ARL13B: variants seen among roughly 807,000 people sequenced by gnomAD.
ARL13B encodes ADP-ribosylation factor-like protein 13B.
In ARL13B, 36 loss-of-function variants were observed where a neutral mutation model predicts 56.1. The observed-to-expected ratio is 0.64, with a 90% CI of 0.49 to 0.85. ARL13B has a LOEUF of 0.85. ARL13B is among the 40% of genes least tolerant of loss of function. The pLI, the probability that ARL13B is intolerant of heterozygous loss-of-function variation, is 0.00. For missense variants in ARL13B, 519 were observed against 507.1 expected, an observed-to-expected ratio of 1.02 and a Z score of -0.23; for synonymous variants, 178 against 171.1, an observed-to-expected ratio of 1.04 and a Z score of -0.32.
chr3:94,016,597 G>T (rs1017975820), intron 3 of ARL13B, among the ~76,000 whole-genome samples: 7 of 151,514 alleles, frequency 4.6e-5, no homozygotes, highest in African/African-American at 1.7e-4. Context: ...AAGACCCTTG[G>T]GTTCACAATA....
intron 6 of ARL13B, among the ~76,000 whole-genome samples, chr3:94,042,621 A>G (rs1261393496): frequency 1.3e-5 from 2 of 152,178 alleles, no homozygotes; most frequent in African/African-American, 4.8e-5. Flanking sequence ...CAAATACATA[A>G]GTATATATAG....
At chr3:94,029,402 C>T (rs1301140478) in intron 3 of ARL13B, among the ~76,000 whole-genome samples, 7 of 131,230 alleles carry the variant, frequency 5.3e-5, no homozygotes, top group African/African-American at 2.0e-4. Context: ...GGCTGGAGTG[C>T]AGTGGCACGA....
chr3:94,013,154 A>T (rs1443392210), intron 3 of ARL13B, among the ~76,000 whole-genome samples: 2 of 152,086 alleles, frequency 1.3e-5, no homozygotes, highest in African/African-American at 4.8e-5. Context: ...CTATGCCTGG[A>T]ATTATACCCT....
Position 94,050,895 on chromosome 3 carries a change from A to G in ARL13B, c.1210+3A>G. ...TCTTGGTGAAACACATCATAATGGT[A>G]ATGCAAAAGGATTGGTTTTCAGATA... On this transcript the variant is annotated splice_donor_region_variant and intron_variant, in intron 9 of 9. Coordinates refer to ENST00000394222, the MANE Select transcript of ARL13B (RefSeq NM_001174150.2). The G allele has an allele frequency of 6.2e-7, 1 of 1,612,654 alleles. No homozygotes were observed. The highest frequency in any genetic ancestry group is 1.3e-5 in the African/African-American group (1 of 75,014).
chr3:94,027,241 A>G (rs1317428255), intron 3 of ARL13B, among the ~76,000 whole-genome samples: 1 of 152,076 alleles, frequency 6.6e-6, no homozygotes, highest in African/African-American at 2.4e-5. Flanking sequence ...ATCTTATTGT[A>G]ATATATTAAC....
At chr3:94,001,154 T>C (rs2076049784) in intron 2 of ARL13B, among the ~76,000 whole-genome samples, 2 of 152,230 alleles carry the variant, frequency 1.3e-5, no homozygotes, top group South Asian at 4.2e-4. Context: ...GGAGGAATCA[T>C]CAAAAAAGGA....
At position 94,043,337 on chromosome 3, in the gene ARL13B, C is replaced by G. The variant is rs924222823; in HGVS notation, c.1024+97C>G. ...TTATGTTTGTTTTTACAAACGAGTA[C>G]TTCAATATTTTTCTGTCTTCAAATG... On this transcript the variant is annotated intron_variant, in intron 7 of 9. Coordinates refer to ENST00000394222, the MANE Select transcript of ARL13B (RefSeq NM_001174150.2). The G allele has an allele frequency of 2.7e-6, 3 of 1,121,540 alleles. No homozygotes were observed. In the African/African-American group the frequency reaches 4.7e-5, roughly 18 times the overall value. The allele number at this position is 1,121,540 out of a possible 1,614,324, so 69.5% of individuals were successfully genotyped here.
intron 3 of ARL13B, among the ~76,000 whole-genome samples, chr3:94,031,910 C>A (rs931733234): frequency 2.0e-5 from 3 of 152,102 alleles, no homozygotes; most frequent in Admixed American, 6.6e-5. Context: ...TGTCTCTCAC[C>A]ATATACAAAA....
intron 1 of ARL13B, among the ~76,000 whole-genome samples, chr3:93,986,996 C>T (rs548527251): frequency 6.6e-6 from 1 of 152,066 alleles, no homozygotes; most frequent in South Asian, 2.1e-4. Flanking sequence ...TAGCTTTTAT[C>T]TAATTATCAT....
chr3:94,040,879 T>A (rs2076849616), intron 6 of ARL13B, among the ~76,000 whole-genome samples: 2 of 152,282 alleles, frequency 1.3e-5, no homozygotes, highest in Admixed American at 6.5e-5. Context: ...GGGTATAAAT[T>A]GTGTAGAAGG....
At position 94,039,969 on chromosome 3, in the gene ARL13B, T is replaced by A. The variant is rs752396312; in HGVS notation, c.779T>A (p.Ile260Lys). The change falls in exon 6 of 10, where the codon ATA becomes AAA. Residue 260 changes from isoleucine (I) to lysine (K), a missense_variant. Coordinates refer to ENST00000394222, the MANE Select transcript of ARL13B (RefSeq NM_001174150.2). ...GAACCAACGAATCCTTTCCAGCCAA[T>A]AGCATCTGTAATCATTGAGGTATGA... ...DPEPTNPFQP[I>K]ASVIIENEGK... 1 of 1,613,880 alleles carries A rather than the reference T, an allele frequency of 6.2e-7. No homozygotes were observed. Among genetic ancestry groups the A allele is most frequent in the Non-Finnish European group, 8.5e-7 (1 of 1,179,942 alleles).
At chr3:93,986,235 G>T (rs894067224) in intron 1 of ARL13B, among the ~76,000 whole-genome samples, 4 of 152,064 alleles carry the variant, frequency 2.6e-5, no homozygotes, top group African/African-American at 9.7e-5. Context: ...ATGAAAAAAT[G>T]GACACTAAGA....
chr3:94,044,807 G>A (rs371438947), intron 7 of ARL13B, among the ~76,000 whole-genome samples: 63 of 141,204 alleles, frequency 4.5e-4, no homozygotes, highest in South Asian at 3.2e-3. Context: ...CGGCCGCGCC[G>A]TCTGGGAAGT....
rs1374765559 is a variant in ARL13B, at chr3:94,054,284, C to T, written c.*1021C>T. On this transcript the variant is annotated 3_prime_UTR_variant, in exon 10 of 10. Coordinates refer to ENST00000394222, the MANE Select transcript of ARL13B (RefSeq NM_001174150.2). Reference sequence around the variant, plus strand: ...TTACAACTGGGAAACAGCTTGTGTACTAAAGTAATGAGAATAAAAATGTTG... The same window carrying T: ...TTACAACTGGGAAACAGCTTGTGTATTAAAGTAATGAGAATAAAAATGTTG... 3 of 449,096 alleles carry T rather than the reference C, an allele frequency of 6.7e-6. No homozygotes were observed. Among genetic ancestry groups the T allele is most frequent in the African/African-American group, 6.0e-5 (3 of 49,892 alleles). 27.8% of individuals were successfully genotyped at this position (449,096 alleles called of 1,614,324 possible). A position where few individuals can be genotyped will look rare whatever the true frequency, so the allele number is the denominator to read the frequency against.
chr3:94,044,041 C>T (rs528709023), intron 7 of ARL13B, among the ~76,000 whole-genome samples: 238 of 152,202 alleles, frequency 1.6e-3, no homozygotes, highest in African/African-American at 5.6e-3. Flanking sequence ...CTTGGCCTCC[C>T]AAAGTGCTAA....
chr3:94,043,716 G>C (rs1374647471), intron 7 of ARL13B, among the ~76,000 whole-genome samples: 1 of 108,128 alleles, frequency 9.2e-6, no homozygotes, highest in Non-Finnish European at 1.8e-5. Context: ...GGACTGTACT[G>C]CCATGATCTC....
intron 3 of ARL13B, among the ~76,000 whole-genome samples, chr3:94,013,425 G>A (rs2076260603): frequency 6.6e-6 from 1 of 152,170 alleles, no homozygotes. Flanking sequence ...TTATCTTAAA[G>A]TCATGGCAAA....
At chr3:94,019,866 A>G (rs1303028304) in intron 3 of ARL13B, among the ~76,000 whole-genome samples, 1 of 152,028 alleles carries the variant, frequency 6.6e-6, no homozygotes, top group East Asian at 1.9e-4. Context: ...CTTCTCTTCT[A>G]TTTGAAGTGT....
chr3:94,016,428 T>G (rs1445297312), intron 3 of ARL13B, among the ~76,000 whole-genome samples: 2 of 151,614 alleles, frequency 1.3e-5, no homozygotes, highest in African/African-American at 4.9e-5. Flanking sequence ...TGGTGTAAAA[T>G]TTGGAGGAAT....
Sources: allele counts gnomAD v4.1 joint callset (sites outside exome capture counted in the v4.1 genomes callset), GRCh38; gene constraint gnomAD v4.1.1; transcripts MANE v1.5; gene names NCBI Gene and HGNC (gene_info 2026-07-23, HGNC 2026-07-21).